The following NDUFS4 variants were observed in gnomAD, a reference collection of about 807,000 sequenced individuals.
NDUFS4 encodes the protein NADH:ubiquinone oxidoreductase subunit S4, also known as NADH dehydrogenase [ubiquinone] iron-sulfur protein 4, mitochondrial.
Under a neutral mutation model 24.3 loss-of-function variants are expected in NDUFS4, and 28 were observed. That is an observed-to-expected ratio of 1.15 (90% CI 0.85 to 1.58). NDUFS4 has a LOEUF of 1.58. Ranked by LOEUF, NDUFS4 falls within the 40% of genes most tolerant of loss-of-function variation. The pLI is 0.00. For synonymous variants in NDUFS4, 93 were observed against 69.7 expected, an observed-to-expected ratio of 1.34 and a Z score of -1.67; for missense variants, 223 against 207.9, an observed-to-expected ratio of 1.07 and a Z score of -0.45.
intron 2 of NDUFS4, among the ~76,000 whole-genome samples, chr5:53,645,330 T>G (rs1751829970): frequency 6.6e-6 from 1 of 152,164 alleles, no homozygotes; most frequent in Admixed American, 6.6e-5. Flanking sequence ...AATCAGACCT[T>G]GGCAATGGCC....
chr5:53,658,597 G>T lies in NDUFS4; in HGVS notation c.397G>T (p.Asp133Tyr). The part of the protein sequence containing the change: ...NMVLTFSTKE[D>Y]AVSFAEKNGW... ...GGTTCTAACCTTCAGTACTAAAGAA[G>T]ATGCAGTTTCCTTTGCAGAAAAAAA... Residue 133 changes from aspartate (D) to tyrosine (Y), a missense_variant, in exon 4 of 5, where the codon GAT becomes TAT. Asp to Tyr is a radical substitution (Grantham distance 160, BLOSUM62 -3). Transcript: ENST00000296684. 1 of 1,613,292 alleles carries T rather than the reference G, an allele frequency of 6.2e-7. No homozygotes were observed. The highest frequency in any genetic ancestry group is 8.5e-7 in the Non-Finnish European group (1 of 1,179,558).
intron 2 of NDUFS4, among the ~76,000 whole-genome samples, chr5:53,605,918 G>A (rs1364859999): frequency 6.6e-6 from 1 of 151,866 alleles, no homozygotes; most frequent in African/African-American, 2.4e-5. Flanking sequence ...GGAGGCTGAG[G>A]CAGGAGAATG....
At chr5:53,654,683 T>G (rs1208164820) in intron 3 of NDUFS4, among the ~76,000 whole-genome samples, 1 of 152,156 alleles carries the variant, frequency 6.6e-6, no homozygotes. Flanking sequence ...TAAGCTAAGC[T>G]TCCCGAGAAG....
Position 53,562,589 on chromosome 5 carries a change from G to T in NDUFS4, c.98+1829G>T, listed in dbSNP as rs4147733. On this transcript the variant is annotated intron_variant, in intron 1 of 4. Transcript: ENST00000296684. ...ATCTTGAAAAAAAATCTTAATGCCA[G>T]GGAAGACGTTTTTTAAATACAAATT... Among the ~76,000 whole-genome samples the T allele has an allele frequency of 5.3e-4, 80 of 152,150 alleles. No individual in the cohort carries two copies. The East Asian group carries it at 0.014, about 27-fold the overall frequency.
intron 2 of NDUFS4, among the ~76,000 whole-genome samples, chr5:53,623,793 A>G (rs1751131279): frequency 6.6e-6 from 1 of 152,108 alleles, no homozygotes; most frequent in Admixed American, 6.6e-5. Context: ...ATCTCGGCTC[A>G]CTACAACCTC....
intron 1 of NDUFS4, among the ~76,000 whole-genome samples, chr5:53,563,489 G>T (rs1400799348): frequency 2.0e-5 from 3 of 150,792 alleles, no homozygotes; most frequent in Admixed American, 6.6e-5. Flanking sequence ...AAAAAAAGGG[G>T]TTAAATTGTC....
chr5:53,662,756 C>T (rs1252730203), intron 4 of NDUFS4, among the ~76,000 whole-genome samples: 1 of 150,442 alleles, frequency 6.6e-6, no homozygotes, highest in African/African-American at 2.5e-5. Context: ...TTATCCATTT[C>T]TTCTAGATTT....
intron 2 of NDUFS4, among the ~76,000 whole-genome samples, chr5:53,632,364 G>A (rs927669883): frequency 3.3e-5 from 5 of 152,122 alleles, no homozygotes; most frequent in Admixed American, 1.3e-4. Flanking sequence ...TTCTTCTTAC[G>A]TTTTACCTTT....
intron 4 of NDUFS4, among the ~76,000 whole-genome samples, chr5:53,660,641 C>T (rs1333583765): frequency 1.3e-5 from 2 of 152,092 alleles, no homozygotes; most frequent in Non-Finnish European, 2.9e-5. Context: ...TCCTTTTTCT[C>T]CACATCCTCT....
chr5:53,605,584 C>G (rs1452307768), intron 2 of NDUFS4, among the ~76,000 whole-genome samples: 2 of 152,102 alleles, frequency 1.3e-5, no homozygotes, highest in Non-Finnish European at 2.9e-5. Context: ...CTAGATTTTC[C>G]CCAGCTTTGT....
At chr5:53,560,806 A>T (rs1160172724) in intron 1 of NDUFS4, 46 bp downstream of exon 1, 1 of 1,612,274 alleles carries the variant, frequency 6.2e-7, no homozygotes, top group African/African-American at 1.3e-5. Flanking sequence ...GGGTCCCTCC[A>T]TTTTTGCGGA....
In NDUFS4 at chr5:53,647,723, C is replaced by T. The variant is rs139383177; in HGVS notation, c.350+1318C>T. ...ATTGAAACTCTGAGAACATTATGTC[C>T]GGTCTCCAGTTGAAGGTAGTTATAA... On this transcript the variant is annotated intron_variant, in intron 3 of 4. Transcript: ENST00000296684. Among the ~76,000 whole-genome samples, 404 of 152,196 alleles carry T rather than the reference C, an allele frequency of 2.7e-3. 1 individual carries two copies. The highest frequency in any genetic ancestry group is 4.6e-3 in the Non-Finnish European group (311 of 68,024).
intron 3 of NDUFS4, among the ~76,000 whole-genome samples, chr5:53,653,985 T>G (rs1752092950): frequency 1.3e-5 from 2 of 152,186 alleles, no homozygotes; most frequent in Admixed American, 6.5e-5. Context: ...TCTAGTTATA[T>G]AATCTAACAA....
chr5:53,662,256 A>C (rs1195915446), intron 4 of NDUFS4, among the ~76,000 whole-genome samples: 2 of 152,120 alleles, frequency 1.3e-5, no homozygotes, highest in Non-Finnish European at 2.9e-5. Context: ...TCAGATAATC[A>C]TGTGGTTTTT....
At chr5:53,638,861 A>G (rs927653075) in intron 2 of NDUFS4, among the ~76,000 whole-genome samples, 1 of 152,120 alleles carries the variant, frequency 6.6e-6, no homozygotes, top group Non-Finnish European at 1.5e-5. Context: ...GCATCAGTGT[A>G]CTATTAATAC....
intron 2 of NDUFS4, among the ~76,000 whole-genome samples, chr5:53,626,276 C>G (rs1561371247): frequency 6.6e-6 from 1 of 152,070 alleles, no homozygotes; most frequent in Admixed American, 6.6e-5. Flanking sequence ...TTTCTTTATC[C>G]AGTCTATCAT....
chr5:53,613,605 T>G (rs1331795366), intron 2 of NDUFS4, among the ~76,000 whole-genome samples: 2 of 151,338 alleles, frequency 1.3e-5, no homozygotes, highest in Non-Finnish European at 3.0e-5. Context: ...AACTATAGTT[T>G]TTTTTTTTTT....
At chr5:53,661,578 A>G (rs1752344859) in intron 4 of NDUFS4, among the ~76,000 whole-genome samples, 1 of 152,150 alleles carries the variant, frequency 6.6e-6, no homozygotes, top group African/African-American at 2.4e-5. Context: ...TTGAATCTAT[A>G]AGTTACCTTG....
chr5:53,648,459 T>C (rs925435123), intron 3 of NDUFS4, among the ~76,000 whole-genome samples: 1 of 152,220 alleles, frequency 6.6e-6, no homozygotes, highest in African/African-American at 2.4e-5. Context: ...ATGGGTTGTA[T>C]ATTCTCAGTA....
Sources: gnomAD v4.1 joint callset for allele counts (sites outside exome capture counted in the v4.1 genomes callset) on GRCh38, gnomAD v4.1.1 for gene constraint, MANE v1.5 for transcripts, NCBI Gene and HGNC (gene_info 2026-07-23, HGNC 2026-07-21) for gene names.